Variants in EXOC4 observed in about 807,000 individuals in gnomAD.
EXOC4 encodes the protein SEC8-like 1.
EXOC4 carries 71 observed loss-of-function variants against 107.2 expected under a neutral mutation model. The observed-to-expected ratio is 0.66, with a 90% confidence interval of 0.55 to 0.81. The LOEUF is 0.81. Among genes scored for constraint, EXOC4 ranks in the 30% least tolerant of loss-of-function variants. EXOC4 has a pLI of 0.00. For missense variants in EXOC4, 1,108 were observed against 1,189.6 expected, an observed-to-expected ratio of 0.93 and a Z score of 1.01; for synonymous variants, 456 against 441.2, an observed-to-expected ratio of 1.03 and a Z score of -0.42.
chr7:133,678,086 T>A (rs1288999420), intron 10 of EXOC4, among the ~76,000 whole-genome samples: 1 of 152,232 alleles, frequency 6.6e-6, no homozygotes, highest in Non-Finnish European at 1.5e-5. Context: ...GTAAAGCTGC[T>A]ATATAAAAAA....
chr7:133,506,020 G>C (rs937935863), intron 9 of EXOC4, among the ~76,000 whole-genome samples: 2 of 152,060 alleles, frequency 1.3e-5, no homozygotes, highest in African/African-American at 4.8e-5. Flanking sequence ...CTTTCAAATG[G>C]CCTTCTTCAA....
intron 9 of EXOC4, among the ~76,000 whole-genome samples, chr7:133,578,184 C>T (rs1261652036): frequency 2.0e-5 from 3 of 152,062 alleles, no homozygotes; most frequent in Non-Finnish European, 2.9e-5. Context: ...GATTCTGTAT[C>T]CCCTTTTGGT....
chr7:134,007,712 G>T lies in EXOC4; in HGVS notation c.2564G>T (p.Gly855Val). ...CTGATCTCCTGCATCCTCATTAATG[G>T]TGCCCAGTACTTCAGGCGCATCAGT... ...GHLISCILINGAQYFRRISES... is the reference protein window; with the variant it reads ...GHLISCILINVAQYFRRISES... The change falls in exon 17 of 18, where the codon GGT becomes GTT. Residue 855 changes from glycine to valine, a missense_variant. Physicochemically the swap from Gly to Val is moderately radical, Grantham distance 109 (BLOSUM62 -3). Coordinates refer to ENST00000253861, the MANE Select transcript of EXOC4 (RefSeq NM_021807.4). 1.2e-6 allele frequency: 2 copies of T among 1,613,474 alleles called. No individual in the cohort carries two copies. The highest frequency in any genetic ancestry group is 1.7e-6 in the Non-Finnish European group (2 of 1,179,710).
chr7:133,463,873 C>T (rs1798653821), intron 7 of EXOC4, among the ~76,000 whole-genome samples: 1 of 152,138 alleles, frequency 6.6e-6, no homozygotes, highest in African/African-American at 2.4e-5. Context: ...CCCATTCATT[C>T]ACTCACTTAC....
At chr7:133,391,568 A>C (rs761280304) in intron 7 of EXOC4, among the ~76,000 whole-genome samples, 9 of 152,220 alleles carry the variant, frequency 5.9e-5, no homozygotes, top group Non-Finnish European at 8.8e-5. Flanking sequence ...TAAGGACTTT[A>C]GATGAGACAA....
intron 11 of EXOC4, among the ~76,000 whole-genome samples, chr7:133,840,378 G>GCAA: frequency 6.6e-6 from 1 of 152,254 alleles, no homozygotes; most frequent in South Asian, 2.1e-4. Context: ...ATAAAGGATA[G>GCAA]CAACAACAAC....
At chr7:133,971,383 GAGAGAGAGAGAGAGAGAGAA>G (rs1460933456) in intron 14 of EXOC4, among the ~76,000 whole-genome samples, 3 of 140,962 alleles carry the variant, frequency 2.1e-5, no homozygotes, top group Non-Finnish European at 4.6e-5. Flanking sequence ...GAGAGAGAGA[GAGAGAGAGAGAGAGAGAGAA>G]AGAGAGAGAG....
At chr7:133,513,068 G>C (rs1799802848) in intron 9 of EXOC4, among the ~76,000 whole-genome samples, 1 of 152,090 alleles carries the variant, frequency 6.6e-6, no homozygotes. Flanking sequence ...TCGCGCCACT[G>C]CACTCCATCT....
chr7:134,096,843 C>A, the EXOC4 span, among the ~76,000 whole-genome samples: 1 of 152,002 alleles, frequency 6.6e-6, no homozygotes, highest in Non-Finnish European at 1.5e-5. Flanking sequence ...CTGCCTCTCC[C>A]ATTCACTGAC....
At chr7:134,091,089 A>G in the EXOC4 span, among the ~76,000 whole-genome samples, 2 of 152,068 alleles carry the variant, frequency 1.3e-5, no homozygotes, top group Admixed American at 6.6e-5. Context: ...ATGTTACAGG[A>G]AAGCGGTCCT....
chr7:133,833,056 G>T (rs968162654), intron 11 of EXOC4, among the ~76,000 whole-genome samples: 3 of 149,138 alleles, frequency 2.0e-5, no homozygotes, highest in African/African-American at 7.3e-5. Context: ...ACACACATAT[G>T]CACACACATG....
At chr7:133,515,332 T>C (rs1456948088) in intron 9 of EXOC4, among the ~76,000 whole-genome samples, 1 of 150,010 alleles carries the variant, frequency 6.7e-6, no homozygotes, top group Non-Finnish European at 1.5e-5. Flanking sequence ...CAAGTGTGCA[T>C]ACACACACAC....
intron 9 of EXOC4, among the ~76,000 whole-genome samples, chr7:133,560,951 A>G (rs1022233068): frequency 6.6e-6 from 1 of 152,106 alleles, no homozygotes; most frequent in African/African-American, 2.4e-5. Context: ...ATAATCAAAG[A>G]GGTTTAAAGA....
At chr7:133,940,119 C>G (rs1800394132) in intron 14 of EXOC4, among the ~76,000 whole-genome samples, 1 of 152,146 alleles carries the variant, frequency 6.6e-6, no homozygotes, top group African/African-American at 2.4e-5. Flanking sequence ...TCTCTTATTT[C>G]TAATGACATA....
chr7:134,034,891 A>C (rs925215009), intron 17 of EXOC4, among the ~76,000 whole-genome samples: 1 of 152,226 alleles, frequency 6.6e-6, no homozygotes, highest in Non-Finnish European at 1.5e-5. Flanking sequence ...AAAGCATGAA[A>C]GACTCCATTG....
At chr7:133,498,295 G>T (rs945563289) in intron 9 of EXOC4, among the ~76,000 whole-genome samples, 1 of 152,142 alleles carries the variant, frequency 6.6e-6, no homozygotes, top group Non-Finnish European at 1.5e-5. Flanking sequence ...TTTTTAAAAT[G>T]TCCCTTGCGG....
intron 14 of EXOC4, among the ~76,000 whole-genome samples, chr7:133,962,786 T>C (rs1290923515): frequency 6.6e-6 from 1 of 152,226 alleles, no homozygotes; most frequent in Non-Finnish European, 1.5e-5. Flanking sequence ...ATTATATCAT[T>C]TGAAATCCTC....
intron 11 of EXOC4, among the ~76,000 whole-genome samples, chr7:133,831,063 C>T (rs1279096800): frequency 6.6e-6 from 1 of 152,190 alleles, no homozygotes; most frequent in African/African-American, 2.4e-5. Context: ...CTCCCGGGTT[C>T]AAGCAATTCT....
intron 11 of EXOC4, among the ~76,000 whole-genome samples, chr7:133,884,622 C>T (rs956416261): frequency 1.2e-4 from 13 of 111,344 alleles, no homozygotes; most frequent in South Asian, 3.0e-4. Context: ...TGTGTGTGTG[C>T]GCGCGTGTGT....
Sources: allele counts gnomAD v4.1 joint callset (sites outside exome capture counted in the v4.1 genomes callset), GRCh38; gene constraint gnomAD v4.1.1; transcripts MANE v1.5; gene names NCBI Gene and HGNC (gene_info 2026-07-23, HGNC 2026-07-21).